Variants in ARFGAP3 observed in about 807,000 individuals in gnomAD.
ARFGAP3 encodes ARF GTPase activating protein 3.
Under a neutral mutation model 75.0 loss-of-function variants are expected in ARFGAP3, and 72 were observed. The ratio of observed to expected loss-of-function variants is 0.96; its 90% CI spans 0.79 to 1.17. ARFGAP3 has a LOEUF of 1.17. Ranked by LOEUF, ARFGAP3 falls within the 50% of genes most tolerant of loss-of-function variation. The pLI is 0.00. For missense variants in ARFGAP3, 620 were observed against 626.6 expected (o/e 0.99, Z 0.11); for synonymous variants, 221 against 217.9 (o/e 1.01, Z -0.13).
intron 11 of ARFGAP3, among the ~76,000 whole-genome samples, chr22:42,815,334 A>G (rs1304657786): frequency 6.6e-6 from 1 of 152,158 alleles, no homozygotes; most frequent in East Asian, 1.9e-4. Flanking sequence ...TGCATTATAC[A>G]GGCTGCAAAG....
chr22:42,800,093 AT>A (rs1419264198), intron 14 of ARFGAP3, among the ~76,000 whole-genome samples: 4 of 152,218 alleles, frequency 2.6e-5, no homozygotes, highest in African/African-American at 9.6e-5. Flanking sequence ...AGAGCTGACA[AT>A]CAGGGGTTCA....
intron 14 of ARFGAP3, among the ~76,000 whole-genome samples, chr22:42,799,636 A>T (rs775361968): frequency 1.3e-5 from 2 of 152,154 alleles, no homozygotes; most frequent in Non-Finnish European, 2.9e-5. Flanking sequence ...TGGGCACATG[A>T]CCCAGGCCTG....
chr22:42,850,775 C>T (rs558577223), intron 1 of ARFGAP3, among the ~76,000 whole-genome samples: 2 of 151,984 alleles, frequency 1.3e-5, no homozygotes, highest in African/African-American at 2.4e-5. Flanking sequence ...ACTGAATAAT[C>T]GGGGTGGAGT....
chr22:42,839,887 T>C (rs1926703508), intron 3 of ARFGAP3, among the ~76,000 whole-genome samples: 1 of 152,124 alleles, frequency 6.6e-6, no homozygotes, highest in Non-Finnish European at 1.5e-5. Flanking sequence ...AAATATCCCC[T>C]ATAAGAGGGG....
At chr22:42,821,909 T>G (rs1295803254) in intron 9 of ARFGAP3, among the ~76,000 whole-genome samples, 1 of 152,210 alleles carries the variant, frequency 6.6e-6, no homozygotes, top group East Asian at 1.9e-4. Context: ...TACTGATTTT[T>G]TTATTATAGC....
At chr22:42,803,574 T>G (rs1924974945) in intron 14 of ARFGAP3, among the ~76,000 whole-genome samples, 1 of 152,212 alleles carries the variant, frequency 6.6e-6, no homozygotes, top group African/African-American at 2.4e-5. Context: ...CACTCTGTCA[T>G]CTGGTGTCTG....
intron 13 of ARFGAP3, among the ~76,000 whole-genome samples, chr22:42,807,850 G>A (rs1002368154): frequency 5.3e-5 from 8 of 149,844 alleles, no homozygotes; most frequent in African/African-American, 9.8e-5. Flanking sequence ...GGGTTCGAGC[G>A]ATTCTCTGCC....
chr22:42,824,057 C>G (rs1302206360), intron 7 of ARFGAP3, among the ~76,000 whole-genome samples: 1 of 145,296 alleles, frequency 6.9e-6, no homozygotes, highest in East Asian at 2.0e-4. Flanking sequence ...GAGACAGGGT[C>G]TCGCTCTGTC....
chr22:42,826,008 T>C (rs553810548), intron 7 of ARFGAP3, among the ~76,000 whole-genome samples: 1 of 152,316 alleles, frequency 6.6e-6, no homozygotes, highest in Non-Finnish European at 1.5e-5. Flanking sequence ...TGTGGGAGTT[T>C]TCCTTTTCAT....
In ARFGAP3 at chr22:42,807,073, C is replaced by T; in HGVS notation, c.1411G>A (p.Gly471Arg). 1 of 1,609,302 alleles carries T rather than the reference C, an allele frequency of 6.2e-7. No individual in the cohort carries two copies. The highest frequency in any genetic ancestry group is 1.1e-5 in the South Asian group (1 of 89,896). Residue 471 changes from glycine (G) to arginine (R), a missense_variant and splice_region_variant, in exon 14 of 16, where the codon GGG becomes AGG. Physicochemically the swap from Gly to Arg is moderately radical, Grantham distance 125. Coordinates refer to ENST00000263245, the MANE Select transcript of ARFGAP3 (RefSeq NM_014570.5). ...LFEEPRKQPAGNYSLSSVLPN... is the reference protein window; with the variant it reads ...LFEEPRKQPARNYSLSSVLPN... ...CCAGCTCTTGTTCAGTGCCCCCTAC[C>T]TGCTGGCTGCTTCCTCGGCTCCTCG... is the stretch of plus-strand genomic sequence containing the variant.
chr22:42,804,902 T>A (rs908614402), intron 14 of ARFGAP3, among the ~76,000 whole-genome samples: 6 of 152,110 alleles, frequency 3.9e-5, no homozygotes, highest in Admixed American at 6.5e-5. Context: ...GAAAAAAAAA[T>A]TTATAAAATA....
chr22:42,826,161 T>C (rs1424490794), intron 7 of ARFGAP3, among the ~76,000 whole-genome samples: 2 of 152,200 alleles, frequency 1.3e-5, no homozygotes, highest in Non-Finnish European at 2.9e-5. Context: ...ACTAATGCAA[T>C]GGAATATATA....
chr22:42,814,717 C>A (rs1435552295), intron 11 of ARFGAP3, among the ~76,000 whole-genome samples: 1 of 152,136 alleles, frequency 6.6e-6, no homozygotes, highest in Non-Finnish European at 1.5e-5. Context: ...GGCTACCAAG[C>A]AACAGTACTG....
At chr22:42,812,524 G>A (rs567257719) in intron 11 of ARFGAP3, among the ~76,000 whole-genome samples, 1 of 152,310 alleles carries the variant, frequency 6.6e-6, no homozygotes, top group South Asian at 2.1e-4. Flanking sequence ...ATCATAGGAG[G>A]TCAGAGGGGC....
chr22:42,823,596 G>A (rs941075914), intron 8 of ARFGAP3, 60 bp downstream of exon 8: 13 of 1,226,100 alleles, frequency 1.1e-5, no homozygotes, highest in Middle Eastern at 2.4e-4. Flanking sequence ...ATGACGAAGC[G>A]GCTTTTTAGT....
chr22:42,828,967 G>A (rs1440607541), intron 6 of ARFGAP3, among the ~76,000 whole-genome samples: 1 of 152,150 alleles, frequency 6.6e-6, no homozygotes, highest in Non-Finnish European at 1.5e-5. Flanking sequence ...TTATAGGCGT[G>A]AGCCACTGTG....
intron 8 of ARFGAP3, 101 bp from the exon 9 acceptor site, chr22:42,822,510 A>T (rs113561506): frequency 9.0e-5 from 126 of 1,403,982 alleles, no homozygotes; most frequent in Middle Eastern, 1.8e-4. Context: ...GCACTGTGAC[A>T]AGCACTCTAC....
intron 11 of ARFGAP3, among the ~76,000 whole-genome samples, chr22:42,814,321 C>T (rs933049461): frequency 2.6e-5 from 4 of 152,164 alleles, no homozygotes; most frequent in African/African-American, 9.7e-5. Flanking sequence ...ACCTCAGTTG[C>T]CAAAGTACCT....
chr22:42,805,221 T>G (rs1925065492), intron 14 of ARFGAP3, among the ~76,000 whole-genome samples: 1 of 152,140 alleles, frequency 6.6e-6, no homozygotes, highest in African/African-American at 2.4e-5. Flanking sequence ...TTAATGGATC[T>G]TTGTTCTCTG....
Sources: gnomAD v4.1 joint callset for allele counts (sites outside exome capture counted in the v4.1 genomes callset) on GRCh38, gnomAD v4.1.1 for gene constraint, MANE v1.5 for transcripts, NCBI Gene and HGNC (gene_info 2026-07-23, HGNC 2026-07-21) for gene names.